Variants in UBE2L3 observed in about 807,000 individuals in gnomAD.
UBE2L3 encodes the protein ubiquitin conjugating enzyme E2 L3, also known as ubiquitin-conjugating enzyme E2 L3.
A neutral mutation model predicts 17.8 loss-of-function variants in UBE2L3; 1 was observed. That is an observed-to-expected ratio of 0.06 (90% CI 0.02 to 0.27). UBE2L3 has a LOEUF of 0.27. Among genes scored for constraint, UBE2L3 ranks in the 10% least tolerant of loss-of-function variants. The pLI is 1.00. For missense variants in UBE2L3, 40 were observed against 192.6 expected (o/e 0.21, Z 4.69); for synonymous variants, 44 against 68.5 (o/e 0.64, Z 1.76).
chr22:21,556,825 G>A (rs571393338), intron 1 of UBE2L3, among the ~76,000 whole-genome samples: 109 of 152,390 alleles, frequency 7.2e-4, no homozygotes, highest in African/African-American at 2.5e-3. Context: ...GGAGGCCGAG[G>A]TGGGCAGATC....
At chr22:21,562,482 C>T (rs1038210879) in intron 1 of UBE2L3, among the ~76,000 whole-genome samples, 18 of 151,852 alleles carry the variant, frequency 1.2e-4, no homozygotes, top group Non-Finnish European at 2.5e-4. Flanking sequence ...TGCCATTCTC[C>T]TGCCTCAACC....
chr22:21,585,032 T>C (rs1927861657), intron 1 of UBE2L3, among the ~76,000 whole-genome samples: 1 of 152,260 alleles, frequency 6.6e-6, no homozygotes, highest in African/African-American at 2.4e-5. Context: ...GGTGAACTTT[T>C]TAACGTTTGA....
At chr22:21,597,038 G>A (rs1928566435) in intron 2 of UBE2L3, among the ~76,000 whole-genome samples, 1 of 151,744 alleles carries the variant, frequency 6.6e-6, no homozygotes, top group Non-Finnish European at 1.5e-5. Context: ...GAATGCAGAA[G>A]CACAGTCTCG....
chr22:21,556,837 C>T (rs1056959462), intron 1 of UBE2L3, among the ~76,000 whole-genome samples: 27 of 152,252 alleles, frequency 1.8e-4, no homozygotes, highest in African/African-American at 7.2e-5. Context: ...GGGCAGATCA[C>T]GAGGTCAGGA....
chr22:21,571,594 G>A (rs1381159654), intron 1 of UBE2L3, among the ~76,000 whole-genome samples: 1 of 152,080 alleles, frequency 6.6e-6, no homozygotes, highest in East Asian at 1.9e-4. Context: ...TAGAAAGGAG[G>A]TTTCACCATG....
chr22:21,583,172 A>G (rs989952936), intron 1 of UBE2L3, among the ~76,000 whole-genome samples: 3 of 152,160 alleles, frequency 2.0e-5, no homozygotes, highest in African/African-American at 4.8e-5. Context: ...ATGTCTCTGC[A>G]TACACATTTC....
intron 2 of UBE2L3, 23 bp downstream of exon 2, chr22:21,592,979 TC>T (rs1226668070): frequency 1.9e-6 from 3 of 1,589,722 alleles, no homozygotes; most frequent in Non-Finnish European, 8.6e-7. Flanking sequence ...CACTTCCACT[TC>T]CTACCAGATT....
At chr22:21,563,579 C>CTTTT (rs536786477), upstream of UBE2L3, among the ~76,000 whole-genome samples, 2 of 133,580 alleles carry the variant, frequency 1.5e-5, no homozygotes, top group Non-Finnish European at 1.6e-5. Flanking sequence ...AAAATTAATA[C>CTTTT]TTTTTTTTTT....
At chr22:21,567,166 T>A (rs966020753), upstream of UBE2L3, among the ~76,000 whole-genome samples, 4 of 144,606 alleles carry the variant, frequency 2.8e-5, no homozygotes, top group African/African-American at 1.0e-4. Flanking sequence ...GTTATTCAAC[T>A]TTTTTTTTTT....
rs572057924 is a variant in UBE2L3, at chr22:21,599,864, A to C, written c.123+6908A>C. On this transcript the variant is annotated intron_variant, in intron 2 of 3. Coordinates refer to ENST00000342192, the MANE Select transcript of UBE2L3 (RefSeq NM_003347.4). ...TCCATTCTTGGGAGAAAAGTGAATT[A>C]TGTATGAGAAGTACTCATGGCTATT... Among the ~76,000 whole-genome samples the C allele has an allele frequency of 2.0e-5, 3 of 152,288 alleles. No homozygotes were observed. In the South Asian group the frequency reaches 6.2e-4, roughly 32 times the overall value.
intron 2 of UBE2L3, among the ~76,000 whole-genome samples, chr22:21,596,507 A>T (rs1356391933): frequency 1.3e-5 from 2 of 152,102 alleles, no homozygotes; most frequent in African/African-American, 4.8e-5. Flanking sequence ...AGTAGCTGGG[A>T]TTGCAGGTGT....
At position 21,620,704 on chromosome 22, in the gene UBE2L3, C is replaced by T. The variant is rs74560273; in HGVS notation, c.311-811C>T. Among the ~76,000 whole-genome samples the T allele has an allele frequency of 2.2e-3, 339 of 152,200 alleles. 1 individual carries two copies. Among genetic ancestry groups the T allele is most frequent in the African/African-American group, 7.7e-3 (320 of 41,528 alleles). ...TGGTCTTGACAATGTGATGCGATGG[C>T]GGTTGTCAGCTTCCCATTGGCTGGC... is the stretch of plus-strand genomic sequence containing the variant. On this transcript the variant is annotated intron_variant, in intron 3 of 3. Transcript: ENST00000342192.
rs1234975312 is a variant in UBE2L3, at chr22:21,622,507, C to G, written c.*838C>G. 2 of 152,890 alleles carry G rather than the reference C, an allele frequency of 1.3e-5. No homozygotes were observed. Among genetic ancestry groups the G allele is most frequent in the Non-Finnish European group, 2.9e-5 (2 of 68,100 alleles). 9.5% of individuals were successfully genotyped at this position (152,890 alleles called of 1,614,324 possible). On this transcript the variant is annotated 3_prime_UTR_variant, in exon 4 of 4. Transcript: ENST00000342192. The stretch of plus-strand genomic sequence containing the variant: ...TGAGGTCCCAGGTTGGCACTTCTCC[C>G]TGCAGCCATTGTAGAAGATCTGCTG...
intron 1 of UBE2L3, among the ~76,000 whole-genome samples, chr22:21,588,995 T>C (rs143683118): frequency 0.019 from 2,932 of 152,136 alleles, 60 homozygotes; most frequent in Non-Finnish European, 0.03. Flanking sequence ...TGTTTTGCCA[T>C]GTTGGCCAGG....
chr22:21,617,977 C>A (rs1929859434), intron 3 of UBE2L3, among the ~76,000 whole-genome samples: 1 of 152,032 alleles, frequency 6.6e-6, no homozygotes, highest in Non-Finnish European at 1.5e-5. Context: ...GTCAGGAGAT[C>A]AAGACCATCC....
upstream of UBE2L3, among the ~76,000 whole-genome samples, chr22:21,566,799 A>T (rs1037176320): frequency 1.3e-5 from 2 of 151,670 alleles, no homozygotes; most frequent in African/African-American, 4.8e-5. Context: ...TGCTTGAAAC[A>T]TTCTCCTCCA....
At chr22:21,583,990 C>T (rs902672476) in intron 1 of UBE2L3, among the ~76,000 whole-genome samples, 10 of 152,114 alleles carry the variant, frequency 6.6e-5, no homozygotes, top group African/African-American at 2.4e-4. Context: ...ATTCTCCTGC[C>T]TCAGCCTCCT....
At chr22:21,566,908 C>T (rs183347144), upstream of UBE2L3, among the ~76,000 whole-genome samples, 25 of 152,258 alleles carry the variant, frequency 1.6e-4, no homozygotes, top group East Asian at 4.0e-3. Flanking sequence ...CCTAGCTGGC[C>T]GTGTGACCTT....
chr22:21,556,432 T>G (rs565783427), intron 1 of UBE2L3, among the ~76,000 whole-genome samples: 1 of 152,368 alleles, frequency 6.6e-6, no homozygotes, highest in East Asian at 1.9e-4. Context: ...AAAATTGTTT[T>G]ATCATTTATT....
Sources: allele counts gnomAD v4.1 joint callset (sites outside exome capture counted in the v4.1 genomes callset), GRCh38; gene constraint gnomAD v4.1.1; transcripts MANE v1.5; gene names NCBI Gene and HGNC (gene_info 2026-07-23, HGNC 2026-07-21).